GAS7: variants seen among roughly 807,000 people sequenced by gnomAD.
GAS7 encodes the protein growth arrest specific 7.
In GAS7, 28 loss-of-function variants were observed where a neutral mutation model predicts 71.1. The observed-to-expected ratio is 0.39, with a 90% CI of 0.29 to 0.54. The LOEUF (loss-of-function observed/expected upper bound fraction) is 0.54, where lower values mean the gene tolerates loss of function less well. GAS7 is among the 20% of genes least tolerant of loss of function. The pLI is 0.62. For synonymous variants in GAS7, 258 were observed against 245.8 expected (o/e 1.05, Z -0.46); for missense variants, 436 against 627.8 (o/e 0.69, Z 3.27).
intron 1 of GAS7, among the ~76,000 whole-genome samples, chr17:10,122,133 T>G (rs3764426): frequency 6.6e-6 from 1 of 152,290 alleles, no homozygotes; most frequent in East Asian, 1.9e-4. Context: ...CTCCTCCTCG[T>G]ACAGTGTGAC....
intron 1 of GAS7, among the ~76,000 whole-genome samples, chr17:10,157,392 A>G (rs1447739332): frequency 1.3e-5 from 2 of 152,192 alleles, no homozygotes; most frequent in Admixed American, 6.5e-5. Flanking sequence ...TCTGACGCCT[A>G]CGTGGGGAAC....
At chr17:10,017,375 CTG>C (rs1224166372) in intron 2 of GAS7, among the ~76,000 whole-genome samples, 2 of 150,926 alleles carry the variant, frequency 1.3e-5, no homozygotes, top group African/African-American at 4.9e-5. Flanking sequence ...TGTCACCAGG[CTG>C]GAGTGCAATG....
At chr17:10,102,450 T>A (rs868479657) in intron 1 of GAS7, among the ~76,000 whole-genome samples, 6 of 152,150 alleles carry the variant, frequency 3.9e-5, no homozygotes, top group Middle Eastern at 6.8e-3. Flanking sequence ...GCTGACTAAG[T>A]ATTTCTTTGG....
intron 1 of GAS7, among the ~76,000 whole-genome samples, chr17:10,069,225 G>A (rs562725747): frequency 7.2e-5 from 11 of 152,288 alleles, no homozygotes; most frequent in African/African-American, 2.6e-4. Flanking sequence ...GGCCTGCTAC[G>A]TTGACTCTCT....
intron 5 of GAS7, among the ~76,000 whole-genome samples, chr17:9,958,676 C>T (rs2069347014): frequency 6.6e-6 from 1 of 152,052 alleles, no homozygotes; most frequent in African/African-American, 2.4e-5. Context: ...GGCTCCCCCT[C>T]ATCTCCACAT....
intron 2 of GAS7, among the ~76,000 whole-genome samples, chr17:10,015,159 AAAAAG>A (rs200283091): frequency 0.041 from 6,008 of 146,936 alleles, 227 homozygotes; most frequent in African/African-American, 0.11. Flanking sequence ...GTCTCAAAAA[AAAAAG>A]AAAAGAAAAG....
In GAS7 at chr17:9,926,267, C is replaced by T. The variant is rs865909166; in HGVS notation, c.1014+374G>A. Among the ~76,000 whole-genome samples, 2 of 152,128 alleles carry T rather than the reference C, an allele frequency of 1.3e-5. No homozygotes were observed. The highest frequency in any genetic ancestry group is 2.9e-5 in the Non-Finnish European group (2 of 68,022). ...CTGAGCAGGAAGGAGAGCAGGGAGG[C>T]GGTGACTGAGTCAGGACGACTCAGC... is the stretch of plus-strand genomic sequence containing the variant. On this transcript the variant is annotated intron_variant, in intron 10 of 13. Transcript: ENST00000432992. This position sits in a 1 kb window ranked among gnomAD's most constrained non-coding sequence, Gnocchi z 5.0.
At chr17:9,951,463 A>G (rs1314800267) in intron 5 of GAS7, among the ~76,000 whole-genome samples, 2 of 152,166 alleles carry the variant, frequency 1.3e-5, no homozygotes, top group Non-Finnish European at 2.9e-5. Flanking sequence ...CCTACAAAGA[A>G]AGGACTTTCC....
At chr17:9,957,752 C>T (rs896571007) in intron 5 of GAS7, among the ~76,000 whole-genome samples, 2 of 152,188 alleles carry the variant, frequency 1.3e-5, no homozygotes, top group South Asian at 2.1e-4. Flanking sequence ...TCAACTCCAC[C>T]GGTAACAGGG....
rs943878691 is a variant in GAS7 at position 10,164,265 on chromosome 17, A to C, written c.183+33943T>G. Among the ~76,000 whole-genome samples, 4 of 151,926 alleles carry C rather than the reference A, an allele frequency of 2.6e-5. No homozygotes were observed. The East Asian group carries it at 5.8e-4, about 22-fold the overall frequency. Reference sequence around the variant, plus strand: ...AGACCATCCCTGGCAAACGTGGTGAAACCCCATTTCTACTAAAAATACAAA... The same window carrying C: ...AGACCATCCCTGGCAAACGTGGTGACACCCCATTTCTACTAAAAATACAAA... On this transcript the variant is annotated intron_variant, in intron 1 of 13. Transcript: ENST00000432992.
intron 1 of GAS7, among the ~76,000 whole-genome samples, chr17:10,153,894 C>A (rs1261352819): frequency 6.6e-6 from 1 of 151,484 alleles, no homozygotes; most frequent in Non-Finnish European, 1.5e-5. Context: ...TAAAAAGATT[C>A]ATCTCTATAA....
rs973573775 is a variant in GAS7, at chr17:9,952,397, C to CT, written c.526-5415dup. On this transcript the variant is annotated intron_variant, in intron 5 of 13. Coordinates refer to ENST00000432992, the MANE Select transcript of GAS7 (RefSeq NM_201433.2). ...CAAAGGACATGAACAGACACTTTTT[C>CT]TTTTTTTTTTTGAGATAAAGTTTTG... Among the ~76,000 whole-genome samples, 784 of 147,052 alleles carry CT rather than the reference C, an allele frequency of 5.3e-3. 5 individuals are homozygous for CT. The highest frequency in any genetic ancestry group is 0.017 in the African/African-American group (697 of 40,370).
In GAS7 at chr17:9,994,095, G is replaced by C. The variant is rs1247981252; in HGVS notation, c.305-12211C>G. Among the ~76,000 whole-genome samples, 187 of 146,374 alleles carry C rather than the reference G, an allele frequency of 1.3e-3. 3 individuals carry two copies. The East Asian group carries it at 0.031, about 24-fold the overall frequency. ...AGGAAGAATCAATATCGTGAAAATG[G>C]CCATACTGCCCAAGGTAATTTACAG... is the stretch of plus-strand genomic sequence containing the variant. On this transcript the variant is annotated intron_variant, in intron 2 of 13. Transcript: ENST00000432992.
At chr17:9,918,314 C>A (rs146389529) in intron 12 of GAS7, among the ~76,000 whole-genome samples, 1 of 152,130 alleles carries the variant, frequency 6.6e-6, no homozygotes, top group African/African-American at 2.4e-5. Context: ...TGCTCCGCCA[C>A]GCACAGTGCT....
At chr17:9,977,977 C>T (rs754048490) in intron 3 of GAS7, among the ~76,000 whole-genome samples, 35 of 152,300 alleles carry the variant, frequency 2.3e-4, no homozygotes, top group South Asian at 4.1e-4. Flanking sequence ...CTTTGGGAGG[C>T]TGAGGCTGGA....
intron 1 of GAS7, among the ~76,000 whole-genome samples, chr17:10,057,309 G>A (rs1049401840): frequency 2.6e-5 from 4 of 152,006 alleles, no homozygotes; most frequent in African/African-American, 9.7e-5. Flanking sequence ...GGGAAGTGAG[G>A]AGCGCCTCTT....
At chr17:10,058,548 T>C (rs2073179787) in intron 1 of GAS7, among the ~76,000 whole-genome samples, 1 of 152,160 alleles carries the variant, frequency 6.6e-6, no homozygotes, top group Non-Finnish European at 1.5e-5. Context: ...TTTCACACCA[T>C]ACTGATCAGA....
At chr17:10,130,858 G>A (rs970288937) in intron 1 of GAS7, among the ~76,000 whole-genome samples, 3 of 152,200 alleles carry the variant, frequency 2.0e-5, no homozygotes, top group Non-Finnish European at 4.4e-5. Flanking sequence ...GTGGTTGGGG[G>A]GAACGGGAAG....
In GAS7 at chr17:9,925,656, T is replaced by C; in HGVS notation, c.1015-57A>G. 1.9e-6 allele frequency: 3 copies of C among 1,599,428 alleles called. No homozygotes were observed. The East Asian group carries it at 6.7e-5, about 36-fold the overall frequency. ...TACAGCTCGGAGCCAGTGGGCCTCC[T>C]GGGCCACGCAGCCCAGCTTCCCTTT... On this transcript the variant is annotated intron_variant, in intron 10 of 13. Coordinates refer to ENST00000432992, the MANE Select transcript of GAS7 (RefSeq NM_201433.2).
Sources: gnomAD v4.1 joint callset for allele counts (sites outside exome capture counted in the v4.1 genomes callset) on GRCh38, gnomAD v4.1.1 for gene constraint, Gnocchi (gnomAD v3.1) non-coding constraint, MANE v1.5 for transcripts, NCBI Gene and HGNC (gene_info 2026-07-23, HGNC 2026-07-21) for gene names.